Variants in DCC observed in about 807,000 individuals in gnomAD.
DCC encodes the protein DCC netrin 1 receptor, also known as netrin receptor DCC.
A neutral mutation model predicts 172.5 loss-of-function variants in DCC; 58 were observed. The ratio of observed to expected loss-of-function variants is 0.34; its 90% CI spans 0.27 to 0.42. The LOEUF (loss-of-function observed/expected upper bound fraction) is 0.42, where lower values mean the gene tolerates loss of function less well. DCC is among the 10% of genes least tolerant of loss of function. The pLI is 1.00. For missense variants in DCC, 1,740 were observed against 1,791.0 expected (o/e 0.97, Z 0.51); for synonymous variants, 709 against 644.5 (o/e 1.10, Z -1.52).
At chr18:52,724,561 C>T (rs1436796181) in intron 1 of DCC, among the ~76,000 whole-genome samples, 1 of 152,166 alleles carries the variant, frequency 6.6e-6, no homozygotes, top group African/African-American at 2.4e-5. Context: ...CAGCTCTCCT[C>T]AATTTCAAAT....
intron 2 of DCC, among the ~76,000 whole-genome samples, chr18:52,867,612 A>T (rs943129550): frequency 6.6e-6 from 1 of 151,610 alleles, no homozygotes; most frequent in Non-Finnish European, 1.5e-5. Flanking sequence ...TAGTCTTGGG[A>T]GGGCGTATAT....
At chr18:52,669,240 A>G (rs1308630565) in intron 1 of DCC, among the ~76,000 whole-genome samples, 3 of 152,220 alleles carry the variant, frequency 2.0e-5, no homozygotes, top group Non-Finnish European at 4.4e-5. Flanking sequence ...CAGCAGATCC[A>G]TCAAGTGCAG....
intron 11 of DCC, among the ~76,000 whole-genome samples, chr18:53,209,472 G>A (rs913743454): frequency 3.9e-5 from 6 of 152,104 alleles, no homozygotes; most frequent in Admixed American, 3.3e-4. Flanking sequence ...ACTTTAGCTT[G>A]TGATTTCTTG....
chr18:52,773,951 A>G (rs1471339432), intron 2 of DCC, among the ~76,000 whole-genome samples: 1 of 152,218 alleles, frequency 6.6e-6, no homozygotes, highest in African/African-American at 2.4e-5. Context: ...GCTGCAGCCA[A>G]CCAAATTTCC....
At chr18:53,087,340 C>G (rs1183779875) in intron 7 of DCC, among the ~76,000 whole-genome samples, 2 of 151,656 alleles carry the variant, frequency 1.3e-5, no homozygotes, top group East Asian at 3.9e-4. Flanking sequence ...ATTTGCATTT[C>G]TCTGATGGCC....
intron 12 of DCC, among the ~76,000 whole-genome samples, chr18:53,231,898 TA>T (rs2056126441): frequency 6.6e-6 from 1 of 152,172 alleles, no homozygotes; most frequent in Non-Finnish European, 1.5e-5. Context: ...AAAAGACTGA[TA>T]AAAGTCTGAT....
At chr18:52,525,390 T>C (rs2031952143) in intron 1 of DCC, among the ~76,000 whole-genome samples, 1 of 152,200 alleles carries the variant, frequency 6.6e-6, no homozygotes, top group South Asian at 2.1e-4. Flanking sequence ...TACCCATCTG[T>C]AGCAATCTGT....
chr18:52,418,818 G>A (rs1401296071), intron 1 of DCC, among the ~76,000 whole-genome samples: 1 of 150,648 alleles, frequency 6.6e-6, no homozygotes, highest in Non-Finnish European at 1.5e-5. Context: ...GTGAAAAACA[G>A]TATCCGAGAT....
intron 9 of DCC, among the ~76,000 whole-genome samples, chr18:53,185,559 C>A (rs1365809982): frequency 6.6e-6 from 1 of 151,952 alleles, no homozygotes. Flanking sequence ...AATTAAAAAC[C>A]AAAAATTCAA....
intron 12 of DCC, among the ~76,000 whole-genome samples, chr18:53,222,104 G>C (rs151292090): frequency 1.3e-5 from 2 of 152,016 alleles, no homozygotes; most frequent in East Asian, 3.8e-4. Flanking sequence ...AACAGTTTAC[G>C]TCTTTTTTCA....
intron 11 of DCC, among the ~76,000 whole-genome samples, chr18:53,214,277 TAAA>T (rs769114338): frequency 1.4e-5 from 2 of 147,474 alleles, no homozygotes; most frequent in Admixed American, 6.8e-5. Flanking sequence ...AAAATCAAAA[TAAA>T]AAAAAAAGAT....
Position 53,301,375 on chromosome 18 carries a change from C to T in DCC, c.1912-4203C>T, listed in dbSNP as rs1030249629. Among the ~76,000 whole-genome samples the T allele has an allele frequency of 2.6e-5, 4 of 152,152 alleles. No individual in the cohort carries two copies. In the East Asian group the frequency reaches 7.7e-4, roughly 29 times the overall value. On this transcript the variant is annotated intron_variant, in intron 12 of 28. Coordinates refer to ENST00000442544, the MANE Select transcript of DCC (RefSeq NM_005215.4). ...AAGTGCTGGGATTACAGGTGTGAGC[C>T]ACTGCACCCGGCTGTGTCTGGATTC... is the stretch of plus-strand genomic sequence containing the variant.
At chr18:53,038,378 T>C (rs2042123364) in intron 5 of DCC, among the ~76,000 whole-genome samples, 1 of 151,974 alleles carries the variant, frequency 6.6e-6, no homozygotes, top group Admixed American at 6.6e-5. Flanking sequence ...GAGACAGCAC[T>C]ATTCTTATCA....
At chr18:52,804,809 C>T (rs1420636154) in intron 2 of DCC, among the ~76,000 whole-genome samples, 1 of 152,118 alleles carries the variant, frequency 6.6e-6, no homozygotes, top group Admixed American at 6.5e-5. Flanking sequence ...ATGTCGATCT[C>T]CTGACCTCAT....
At chr18:52,572,759 TGG>T (rs1192544078) in intron 1 of DCC, among the ~76,000 whole-genome samples, 1 of 152,192 alleles carries the variant, frequency 6.6e-6, no homozygotes, top group African/African-American at 2.4e-5. Flanking sequence ...GCTCTCTTCC[TGG>T]GAGTGATATA....
chr18:52,944,381 T>C (rs2040509187), intron 5 of DCC, among the ~76,000 whole-genome samples: 1 of 152,186 alleles, frequency 6.6e-6, no homozygotes, highest in Non-Finnish European at 1.5e-5. Flanking sequence ...ACTCAGGACC[T>C]GGAACTGCAG....
At chr18:52,665,720 A>T (rs2144957835) in intron 1 of DCC, among the ~76,000 whole-genome samples, 1 of 152,376 alleles carries the variant, frequency 6.6e-6, no homozygotes, top group Non-Finnish European at 1.5e-5. Context: ...TTAATCAACC[A>T]CATATAAGGA....
chr18:52,714,456 T>C (rs2145061706), intron 1 of DCC, among the ~76,000 whole-genome samples: 1 of 152,318 alleles, frequency 6.6e-6, no homozygotes, highest in East Asian at 1.9e-4. Flanking sequence ...TCTGTAATAC[T>C]TTTTAAATGC....
intron 7 of DCC, among the ~76,000 whole-genome samples, chr18:53,077,926 A>T (rs1016249443): frequency 6.6e-6 from 1 of 152,166 alleles, no homozygotes; most frequent in African/African-American, 2.4e-5. Flanking sequence ...CAACTTTCCA[A>T]TATGATAGGG....
Sources: allele counts gnomAD v4.1 joint callset (sites outside exome capture counted in the v4.1 genomes callset), GRCh38; gene constraint gnomAD v4.1.1; transcripts MANE v1.5; gene names NCBI Gene and HGNC (gene_info 2026-07-23, HGNC 2026-07-21).